Variants in NFIA observed in about 807,000 individuals in gnomAD.
NFIA encodes the protein nuclear factor 1 A-type.
NFIA carries 8 observed loss-of-function variants against 62.8 expected under a neutral mutation model. The ratio of observed to expected loss-of-function variants is 0.13; its 90% CI spans 0.07 to 0.23. NFIA has a LOEUF of 0.23. Ranked by LOEUF, NFIA falls within the 10% of genes least tolerant of loss-of-function variation. The probability of loss-of-function intolerance (pLI) is 1.00; values close to 1 mark genes in which losing one functional copy is unlikely to be tolerated. For synonymous variants in NFIA, 235 were observed against 238.1 expected (o/e 0.99, Z 0.12); for missense variants, 410 against 642.1 (o/e 0.64, Z 3.91).
At chr1:61,375,057 A>G (rs1024993302) in intron 6 of NFIA, among the ~76,000 whole-genome samples, 6 of 152,174 alleles carry the variant, frequency 3.9e-5, no homozygotes, top group Non-Finnish European at 5.9e-5. Context: ...TGGTCCCTTA[A>G]CCGTGGGATT....
intron 2 of NFIA, among the ~76,000 whole-genome samples, chr1:61,208,848 G>C (rs1364243475): frequency 6.6e-6 from 1 of 152,172 alleles, no homozygotes; most frequent in Non-Finnish European, 1.5e-5. Flanking sequence ...TAAGATGGAA[G>C]ATGTTAAAAA....
intron 8 of NFIA, among the ~76,000 whole-genome samples, chr1:61,405,649 T>C (rs1287473130): frequency 1.3e-5 from 2 of 152,204 alleles, no homozygotes; most frequent in Admixed American, 6.5e-5. Flanking sequence ...ACTTCTAAAT[T>C]ATTAACCATT....
chr1:61,153,058 T>G (rs1416928700), intron 2 of NFIA, among the ~76,000 whole-genome samples: 1 of 152,222 alleles, frequency 6.6e-6, no homozygotes, highest in African/African-American at 2.4e-5. Context: ...AGGCAGTGAA[T>G]TTAGGCAAGT....
intron 9 of NFIA, among the ~76,000 whole-genome samples, chr1:61,416,239 A>G (rs1666342464): frequency 1.3e-5 from 2 of 152,140 alleles, no homozygotes; most frequent in Admixed American, 6.5e-5. Context: ...TTTTATATCA[A>G]ATATTATGAT....
intron 9 of NFIA, among the ~76,000 whole-genome samples, chr1:61,411,325 A>G (rs1010124040): frequency 6.6e-6 from 1 of 152,132 alleles, no homozygotes; most frequent in African/African-American, 2.4e-5. Flanking sequence ...GAAGTAGGGA[A>G]GTGGGGGTGG....
At chr1:61,241,357 T>C (rs1215579319) in intron 2 of NFIA, among the ~76,000 whole-genome samples, 1 of 152,188 alleles carries the variant, frequency 6.6e-6, no homozygotes, top group African/African-American at 2.4e-5. Context: ...TCGTGCAATG[T>C]ATTTAAGTTA....
At position 61,277,547 on chromosome 1, in the gene NFIA, A is replaced by C; in HGVS notation, c.587A>C (p.Gln196Pro). Residue 196 changes from glutamine (Q) to proline (P), a missense_variant, in exon 3 of 11, where the codon CAG becomes CCG. Physicochemically the swap from Gln to Pro is moderately conservative, Grantham distance 76. Coordinates refer to ENST00000403491, the MANE Select transcript of NFIA (RefSeq NM_001134673.4). Reference protein sequence around the residue: ...ADSSQSESPSQPSDADIKDQP... With the variant: ...ADSSQSESPSPPSDADIKDQP... ...TCAAGTCAATCTGAAAGTCCCAGCC[A>C]GCCAAGTGACGCTGACATTAAGGAC... is the stretch of plus-strand genomic sequence containing the variant. The C allele has an allele frequency of 6.2e-7, 1 of 1,613,934 alleles. No individual in the cohort carries two copies. Among genetic ancestry groups the C allele is most frequent in the Non-Finnish European group, 8.5e-7 (1 of 1,179,862 alleles).
At chr1:61,101,679 C>T (rs1557565565) in intron 2 of NFIA, among the ~76,000 whole-genome samples, 1 of 152,036 alleles carries the variant, frequency 6.6e-6, no homozygotes, top group African/African-American at 2.4e-5. Flanking sequence ...CTATTTTGCT[C>T]CTTCTTGGAA....
At chr1:61,130,658 TG>T (rs1647057277) in intron 2 of NFIA, among the ~76,000 whole-genome samples, 1 of 152,214 alleles carries the variant, frequency 6.6e-6, no homozygotes, top group South Asian at 2.1e-4. Flanking sequence ...CCTCCCTGTG[TG>T]TGTGCACCTG....
At chr1:61,247,251 A>T (rs1301847683) in intron 2 of NFIA, among the ~76,000 whole-genome samples, 2 of 152,216 alleles carry the variant, frequency 1.3e-5, no homozygotes, top group African/African-American at 4.8e-5. Context: ...TGCCATTGAT[A>T]AGGATTTCCA....
chr1:61,284,960 A>G (rs1007390194), intron 3 of NFIA, among the ~76,000 whole-genome samples: 8 of 152,250 alleles, frequency 5.3e-5, no homozygotes, highest in Admixed American at 3.3e-4. Flanking sequence ...TAAAGTGTGT[A>G]TTTAGAATGT....
chr1:61,230,420 A>G (rs1352843810), intron 2 of NFIA, among the ~76,000 whole-genome samples: 2 of 152,160 alleles, frequency 1.3e-5, no homozygotes, highest in Non-Finnish European at 2.9e-5. Context: ...CCTAGAAGTT[A>G]TCTCTTACTC....
At chr1:61,373,994 G>A (rs1406063932) in intron 6 of NFIA, among the ~76,000 whole-genome samples, 6 of 152,062 alleles carry the variant, frequency 3.9e-5, no homozygotes, top group Non-Finnish European at 4.4e-5. Context: ...GCCACATATG[G>A]CTACTAAGCC....
intron 3 of NFIA, among the ~76,000 whole-genome samples, chr1:61,305,450 G>A (rs1444265718): frequency 2.0e-5 from 3 of 152,358 alleles, no homozygotes; most frequent in Non-Finnish European, 4.4e-5. Context: ...GAAAACAAGA[G>A]AAGTATTAGA....
chr1:61,093,928 A>G (rs911053313), intron 2 of NFIA, among the ~76,000 whole-genome samples: 1 of 152,208 alleles, frequency 6.6e-6, no homozygotes, highest in Non-Finnish European at 1.5e-5. Flanking sequence ...TGTACACAGT[A>G]GGACTGGGTG....
chr1:61,130,082 T>G (rs1265751404), intron 2 of NFIA, among the ~76,000 whole-genome samples: 8 of 152,152 alleles, frequency 5.3e-5, no homozygotes, highest in Non-Finnish European at 1.2e-4. Context: ...CAGTGATTGC[T>G]TCAAGCATGA....
intron 10 of NFIA, among the ~76,000 whole-genome samples, chr1:61,436,793 T>C (rs970936527): frequency 3.9e-5 from 6 of 152,184 alleles, no homozygotes; most frequent in Admixed American, 3.9e-4. Flanking sequence ...CCCCAAAATA[T>C]TTGCATGAGA....
chr1:61,265,352 A>G (rs777260696), intron 2 of NFIA, among the ~76,000 whole-genome samples: 8 of 152,236 alleles, frequency 5.3e-5, no homozygotes, highest in Non-Finnish European at 1.2e-4. Flanking sequence ...TAGAATTCAA[A>G]CAGAAGCTCC....
chr1:61,303,839 C>G (rs1349860651), intron 3 of NFIA, among the ~76,000 whole-genome samples: 2 of 152,170 alleles, frequency 1.3e-5, no homozygotes, highest in Non-Finnish European at 2.9e-5. Flanking sequence ...GGCTTTTCCT[C>G]TTAATAACAT....
Sources: gnomAD v4.1 joint callset for allele counts (sites outside exome capture counted in the v4.1 genomes callset) on GRCh38, gnomAD v4.1.1 for gene constraint, MANE v1.5 for transcripts, NCBI Gene and HGNC (gene_info 2026-07-23, HGNC 2026-07-21) for gene names.